Variants in FRMPD4 observed in about 807,000 individuals in gnomAD.
The protein encoded by FRMPD4 is FERM and PDZ domain-containing protein 4.
Under a neutral mutation model 94.1 loss-of-function variants are expected in FRMPD4, and 22 were observed. That is an observed-to-expected ratio of 0.23 (90% CI 0.17 to 0.33). FRMPD4 has a LOEUF of 0.33. Ranked by LOEUF, FRMPD4 falls within the 10% of genes least tolerant of loss-of-function variation. The pLI, the probability that FRMPD4 is intolerant of heterozygous loss-of-function variation, is 1.00. For missense variants in FRMPD4, 1,111 were observed against 1,339.9 expected (o/e 0.83, Z 2.67); for synonymous variants, 631 against 548.6 (o/e 1.15, Z -2.10).
intron 1 of FRMPD4, among the ~76,000 whole-genome samples, chrX:11,845,615 A>T (rs1350648817): frequency 9.2e-6 from 1 of 108,962 alleles, no homozygotes; most frequent in Non-Finnish European, 1.9e-5. Context: ...ATGAACATTG[A>T]TGCAAAAATC....
chrX:12,527,275 C>T (rs1297928726), intron 2 of FRMPD4, among the ~76,000 whole-genome samples: 1 of 111,377 alleles, frequency 9.0e-6, no homozygotes, highest in Non-Finnish European at 1.9e-5. Flanking sequence ...TTAGTGGCAT[C>T]TTTTTGGCTG....
At chrX:12,656,299 T>C (rs1248300506) in intron 4 of FRMPD4, among the ~76,000 whole-genome samples, 1 of 112,301 alleles carries the variant, frequency 8.9e-6, no homozygotes, top group East Asian at 2.8e-4. Context: ...ACAGAGTCAT[T>C]GGTTGAACAC....
intron 1 of FRMPD4, among the ~76,000 whole-genome samples, chrX:12,305,852 T>A: frequency 9.5e-6 from 1 of 105,747 alleles, no homozygotes; most frequent in Middle Eastern, 4.8e-3. Context: ...TAGGTTTGAG[T>A]CACCATGCCC....
Position 12,716,161 on chromosome X carries a change from G to T in FRMPD4, c.1702G>T (p.Ala568Ser), listed in dbSNP as rs1214154283. 2 of 1,204,342 alleles carry T rather than the reference G, an allele frequency of 1.7e-6. No homozygotes were observed. Among genetic ancestry groups the T allele is most frequent in the African/African-American group, 3.5e-5 (2 of 56,784 alleles). The change falls in exon 15 of 17, where the codon GCC becomes TCC. Residue 568 changes from alanine to serine, a missense_variant. Physicochemically the swap from Ala to Ser is moderately conservative, Grantham distance 99. This residue lies in a region of FRMPD4 where 192 missense variants were observed against 192.5 expected (regional missense o/e 1.00). Coordinates refer to ENST00000675598, the MANE Select transcript of FRMPD4 (RefSeq NM_001368397.1). ...CTTTATTGGCGAAGGGGAACAAGAA[G>T]CCCAGATAACATACATAGATTCAAA... ...TTFIGEGEQEAQITYIDSKQK... is the reference protein window; with the variant it reads ...TTFIGEGEQESQITYIDSKQK...
At chrX:11,978,015 C>A (rs896195257) in intron 3 of FRMPD4, among the ~76,000 whole-genome samples, 5 of 109,420 alleles carry the variant, frequency 4.6e-5, no homozygotes, top group African/African-American at 1.7e-4. Context: ...CTGAACCAGT[C>A]TCTTGGATTA....
At chrX:12,320,927 C>A (rs1461531199) in intron 1 of FRMPD4, among the ~76,000 whole-genome samples, 1 of 111,962 alleles carries the variant, frequency 8.9e-6, no homozygotes, top group African/African-American at 3.2e-5. Flanking sequence ...GAAACTTTGT[C>A]CTGTACAGTG....
chrX:12,523,333 G>A (rs1342446639), intron 2 of FRMPD4, among the ~76,000 whole-genome samples: 1 of 112,100 alleles, frequency 8.9e-6, no homozygotes, highest in African/African-American at 3.2e-5. Context: ...ACATTAGCCT[G>A]AGGTTTGGTG....
At chrX:12,347,533 A>G (rs927919275) in intron 1 of FRMPD4, among the ~76,000 whole-genome samples, 2 of 111,993 alleles carry the variant, frequency 1.8e-5, no homozygotes, top group Non-Finnish European at 1.9e-5. Context: ...ACAATGCCTG[A>G]CCTTGAATTT....
intron 1 of FRMPD4, among the ~76,000 whole-genome samples, chrX:12,206,329 A>G (rs1397698832): frequency 8.9e-6 from 1 of 111,868 alleles, no homozygotes; most frequent in Admixed American, 9.5e-5. Context: ...AGAGACCTCT[A>G]TATTTATTCT....
chrX:12,606,863 G>A (rs1363452273), intron 2 of FRMPD4, among the ~76,000 whole-genome samples: 1 of 111,292 alleles, frequency 9.0e-6, no homozygotes, highest in African/African-American at 3.3e-5. Context: ...CTCAAAAATG[G>A]CTTGCTCTGA....
chrX:12,045,300 C>A (rs971016930), intron 3 of FRMPD4, among the ~76,000 whole-genome samples: 2 of 111,571 alleles, frequency 1.8e-5, no homozygotes, highest in Non-Finnish European at 3.8e-5. Flanking sequence ...GATAATGAAT[C>A]ATTTTGAGGC....
chrX:12,108,743 T>C (rs1225517870), intron 3 of FRMPD4, among the ~76,000 whole-genome samples: 1 of 111,051 alleles, frequency 9.0e-6, no homozygotes. Context: ...ACCAAGCATA[T>C]GGAAAACAAA....
chrX:12,036,455 GA>G (rs1017013296), intron 3 of FRMPD4, among the ~76,000 whole-genome samples: 2 of 111,508 alleles, frequency 1.8e-5, no homozygotes, highest in Non-Finnish European at 3.8e-5. Flanking sequence ...AATTGAACAA[GA>G]AAAAAAGTGG....
intron 1 of FRMPD4, among the ~76,000 whole-genome samples, chrX:12,179,149 C>T (rs1019927307): frequency 2.7e-5 from 3 of 111,594 alleles, no homozygotes; most frequent in African/African-American, 9.8e-5. Context: ...TCTGATCCTC[C>T]AGGATGATAG....
intron 3 of FRMPD4, among the ~76,000 whole-genome samples, chrX:11,929,448 A>G (rs1320697859): frequency 8.9e-6 from 1 of 112,305 alleles, no homozygotes; most frequent in Non-Finnish European, 1.9e-5. Flanking sequence ...GTGTTAACTG[A>G]CCTTGGCATA....
Position 12,718,222 on chromosome X carries a change from A to G in FRMPD4, c.3396A>G (p.Gly1132=), listed in dbSNP as rs2042139774. The stretch of plus-strand genomic sequence containing the variant: ...GGGAGGCCGAAGGGAAGGAAGAAGG[A>G]GCTCCTGATGGAGAAACCAGTGATG... ...GAREAEGKEE[G]APDGETSDGS... Residue 1132 remains glycine, a synonymous_variant, in exon 16 of 17, where the codon GGA becomes GGG. Coordinates refer to ENST00000675598, the MANE Select transcript of FRMPD4 (RefSeq NM_001368397.1). 1 of 1,209,688 alleles carries G rather than the reference A, an allele frequency of 8.3e-7. No homozygotes were observed. The highest frequency in any genetic ancestry group is 2.2e-5 in the Admixed American group (1 of 45,871).
chrX:12,519,944 A>G (rs1056994479), intron 2 of FRMPD4, among the ~76,000 whole-genome samples: 4 of 112,254 alleles, frequency 3.6e-5, no homozygotes, highest in African/African-American at 1.3e-4. Flanking sequence ...ATGCACTGTT[A>G]GTGGGAAGGA....
upstream of FRMPD4, among the ~76,000 whole-genome samples, chrX:12,134,128 A>G (rs778718701): frequency 4.3e-4 from 48 of 112,275 alleles, 1 homozygote; most frequent in Non-Finnish European, 8.4e-4. Flanking sequence ...TTTGTGTGGC[A>G]GCCTCCTTCT....
intron 2 of FRMPD4, among the ~76,000 whole-genome samples, chrX:12,528,320 T>TA (rs1491244763): frequency 2.2e-5 from 1 of 44,526 alleles, no homozygotes; most frequent in Non-Finnish European, 3.6e-5. Context: ...TTTGTTTTTG[T>TA]TTTTTTTTTT....
Sources: allele counts gnomAD v4.1 joint callset (sites outside exome capture counted in the v4.1 genomes callset), GRCh38; gene constraint gnomAD v4.1.1; regional missense constraint gnomAD v4.1.1; transcripts MANE v1.5; gene names NCBI Gene and HGNC (gene_info 2026-07-23, HGNC 2026-07-21).